DPY19L2: variants seen among roughly 807,000 people sequenced by gnomAD.
The protein encoded by DPY19L2 is probable C-mannosyltransferase DPY19L2.
DPY19L2 carries 34 observed loss-of-function variants against 97.9 expected under a neutral mutation model. That is an observed-to-expected ratio of 0.35 (90% CI 0.26 to 0.46). The LOEUF is 0.46. Among genes scored for constraint, DPY19L2 ranks in the 20% least tolerant of loss-of-function variants. DPY19L2 has a pLI of 1.00. For missense variants in DPY19L2, 623 were observed against 911.4 expected (o/e 0.68, Z 4.07); for synonymous variants, 230 against 307.9 (o/e 0.75, Z 2.65).
At chr12:63,565,587 T>G (rs11504139) in intron 21 of DPY19L2, among the ~76,000 whole-genome samples, 7,383 of 152,110 alleles carry the variant, frequency 0.049, 463 homozygotes, top group African/African-American at 0.17. Context: ...TTTTTCCATG[T>G]GAGTAACGTA....
chr12:63,561,421 G>A (rs1876482310), intron 21 of DPY19L2, among the ~76,000 whole-genome samples: 1 of 152,100 alleles, frequency 6.6e-6, no homozygotes, highest in Admixed American at 6.5e-5. Flanking sequence ...GTGCCCTTTT[G>A]CAATCTACCA....
At chr12:63,594,659 TG>T (rs1883894641) in intron 15 of DPY19L2, among the ~76,000 whole-genome samples, 1 of 151,768 alleles carries the variant, frequency 6.6e-6, no homozygotes, top group Non-Finnish European at 1.5e-5. Flanking sequence ...TGTCTGTGTG[TG>T]TGTGTGTGTG....
At chr12:63,610,841 C>CAAAAAAAAAA (rs56044043) in intron 11 of DPY19L2, among the ~76,000 whole-genome samples, 119 of 10,776 alleles carry the variant, frequency 0.011, 39 homozygotes, top group Non-Finnish European at 0.017. Flanking sequence ...ATGAATATAG[C>CAAAAAAAAAA]AAAAAAAAAA....
intron 11 of DPY19L2, among the ~76,000 whole-genome samples, chr12:63,610,863 A>AAAAAAAAAAAAAAAAC (rs1886857854): frequency 9.9e-6 from 1 of 100,560 alleles, no homozygotes; most frequent in Non-Finnish European, 2.1e-5. Flanking sequence ...AAAAAAAAAA[A>AAAAAAAAAAAAAAAAC]AAAAAAAAAA....
chr12:63,577,622 A>G (rs1044238648), intron 19 of DPY19L2, among the ~76,000 whole-genome samples: 9 of 152,102 alleles, frequency 5.9e-5, no homozygotes, highest in African/African-American at 2.2e-4. Flanking sequence ...AAAAGATCTG[A>G]ATAGACATTT....
At chr12:63,575,125 G>C (rs1462770482) in intron 19 of DPY19L2, among the ~76,000 whole-genome samples, 1 of 95,438 alleles carries the variant, frequency 1.0e-5, no homozygotes, top group East Asian at 3.5e-4. Flanking sequence ...TATCTTCTCT[G>C]ACCACAATGG....
At chr12:63,590,981 A>G (rs1882799056) in intron 16 of DPY19L2, 3 of 445,300 alleles carry the variant, frequency 6.7e-6, no homozygotes, top group Non-Finnish European at 1.4e-5. Context: ...GCAATATATG[A>G]AGACAGTTGC....
chr12:63,651,987 C>G (rs1894304840), intron 4 of DPY19L2: 1 of 271,030 alleles, frequency 3.7e-6, no homozygotes, highest in South Asian at 7.4e-5. Flanking sequence ...TTCCATCCAG[C>G]CTTTCTGTCA....
At chr12:63,580,573 A>G (rs1880694775) in intron 19 of DPY19L2, 89 bp downstream of exon 19, 3 of 1,331,894 alleles carry the variant, frequency 2.3e-6, no homozygotes, top group Admixed American at 2.4e-5. Context: ...ATACACACAT[A>G]TATCAGAAAT....
At chr12:63,665,897 CT>C in intron 1 of DPY19L2, 38 bp from the exon 2 acceptor site, 1 of 1,532,448 alleles carries the variant, frequency 6.5e-7, no homozygotes, top group South Asian at 1.2e-5. Flanking sequence ...TTAATAGCTG[CT>C]TTATTATAAA....
At chr12:63,658,665 A>G (rs3965193) in intron 4 of DPY19L2, among the ~76,000 whole-genome samples, 4 of 152,034 alleles carry the variant, frequency 2.6e-5, no homozygotes, top group Non-Finnish European at 4.4e-5. Flanking sequence ...TGACCAAACT[A>G]TCTCTCTCCT....
At chr12:63,632,603 T>C (rs944655839) in intron 6 of DPY19L2, among the ~76,000 whole-genome samples, 6 of 151,984 alleles carry the variant, frequency 3.9e-5, no homozygotes, top group Non-Finnish European at 4.4e-5. Context: ...TGCTCATGGG[T>C]AGGAAGAATC....
chr12:63,620,548 T>C (rs1257021422), intron 9 of DPY19L2, among the ~76,000 whole-genome samples: 3 of 152,122 alleles, frequency 2.0e-5, no homozygotes, highest in Non-Finnish European at 1.5e-5. Context: ...TCTGTCAAAC[T>C]AACCAATACA....
chr12:63,613,408 T>G (rs999450554), intron 11 of DPY19L2, among the ~76,000 whole-genome samples: 1 of 152,162 alleles, frequency 6.6e-6, no homozygotes, highest in Non-Finnish European at 1.5e-5. Flanking sequence ...TATCATATCT[T>G]CGAAATTCAT....
At chr12:63,660,107 CA>C (rs1456191216) in intron 4 of DPY19L2, among the ~76,000 whole-genome samples, 1 of 152,100 alleles carries the variant, frequency 6.6e-6, no homozygotes, top group Non-Finnish European at 1.5e-5. Flanking sequence ...TTGCTTCAGA[CA>C]GCAATTTAGC....
chr12:63,566,147 T>A (rs1019150477), intron 21 of DPY19L2, among the ~76,000 whole-genome samples: 1 of 152,122 alleles, frequency 6.6e-6, no homozygotes, highest in African/African-American at 2.4e-5. Flanking sequence ...CTCCACCTTT[T>A]GTTTGGAAGA....
chr12:63,605,551 T>C (rs1163596326), intron 12 of DPY19L2, among the ~76,000 whole-genome samples: 7 of 152,006 alleles, frequency 4.6e-5, no homozygotes. Flanking sequence ...ACACGTGCAG[T>C]GAAAGGGCCT....
chr12:63,603,352 C>T lies in DPY19L2; in HGVS notation c.1279-2966G>A, dbSNP rs1382672247. 2.6e-5 allele frequency among the ~76,000 whole-genome samples: 4 copies of T among 152,038 alleles called. No individual in the cohort carries two copies. The South Asian group carries it at 6.2e-4, about 24-fold the overall frequency. On this transcript the variant is annotated intron_variant, in intron 12 of 21. Coordinates refer to ENST00000324472, the MANE Select transcript of DPY19L2 (RefSeq NM_173812.5). ...ATTCTAGGATTCCTTCTTGCATTTC[C>T]TTTTTGTTTCCAGAACTTTTTAAAT...
rs1470787710 is a variant in DPY19L2, at chr12:63,591,976, G to GAAA, written c.1580+2110_1580+2111insTTT. 1.3e-4 allele frequency among the ~76,000 whole-genome samples: 12 copies of GAAA among 94,578 alleles called. No individual in the cohort carries two copies. The South Asian group carries it at 2.0e-3, about 16-fold the overall frequency. 62.0% of individuals were successfully genotyped at this position (94,578 alleles called of 152,430 possible). A position where few individuals can be genotyped will look rare whatever the true frequency, so the allele number is the denominator to read the frequency against. On this transcript the variant is annotated intron_variant, in intron 16 of 21. Transcript: ENST00000324472. ...GAAAAGAAAAGAAAAGAAAAGAAAA[G>GAAA]AGGGGAAGGGAAGGGAAGGGAGGGG...
Sources: allele counts gnomAD v4.1 joint callset (sites outside exome capture counted in the v4.1 genomes callset), GRCh38; gene constraint gnomAD v4.1.1; transcripts MANE v1.5; gene names NCBI Gene and HGNC (gene_info 2026-07-23, HGNC 2026-07-21).